The following RARB variants were observed in gnomAD, a reference collection of about 807,000 sequenced individuals.
RARB encodes retinoic acid receptor beta.
Under a neutral mutation model 51.9 loss-of-function variants are expected in RARB, and 17 were observed. That is an observed-to-expected ratio of 0.33 (90% CI 0.22 to 0.49). RARB has a LOEUF of 0.49. Among genes scored for constraint, RARB ranks in the 20% least tolerant of loss-of-function variants. RARB has a pLI of 0.99. For synonymous variants in RARB, 215 were observed against 195.4 expected, an observed-to-expected ratio of 1.10 and a Z score of -0.84; for missense variants, 369 against 550.8, an observed-to-expected ratio of 0.67 and a Z score of 3.30.
intron 4 of RARB, among the ~76,000 whole-genome samples, chr3:25,571,756 T>C (rs1485343715): frequency 6.6e-6 from 1 of 152,102 alleles, no homozygotes; most frequent in East Asian, 1.9e-4. Flanking sequence ...AGTTTTCCCA[T>C]CTCTAAATGG....
At chr3:25,137,512 A>G (rs191988577) in intron 4 of RARB, among the ~76,000 whole-genome samples, 1 of 152,248 alleles carries the variant, frequency 6.6e-6, no homozygotes, top group South Asian at 2.1e-4. Flanking sequence ...GTTTGGTCAG[A>G]TATAGAAAAA....
chr3:25,015,888 GTCATA>G (rs1306966784), intron 2 of RARB, among the ~76,000 whole-genome samples: 3 of 152,274 alleles, frequency 2.0e-5, no homozygotes, highest in African/African-American at 7.2e-5. Flanking sequence ...AATAAATCAA[GTCATA>G]TCATGTTGAC....
intron 3 of RARB, among the ~76,000 whole-genome samples, chr3:25,105,303 G>A (rs1575162517): frequency 2.0e-5 from 3 of 151,382 alleles, no homozygotes; most frequent in South Asian, 4.2e-4. Flanking sequence ...GAGACCTACT[G>A]TAAAAAGGGC....
intron 2 of RARB, among the ~76,000 whole-genome samples, chr3:24,913,124 G>A (rs1473226813): frequency 6.6e-6 from 1 of 151,408 alleles, no homozygotes; most frequent in Non-Finnish European, 1.5e-5. Flanking sequence ...AGGACTACAG[G>A]CACCCGCCAC....
chr3:25,326,245 C>A (rs1427577436), intron 5 of RARB, among the ~76,000 whole-genome samples: 2 of 152,104 alleles, frequency 1.3e-5, no homozygotes, highest in East Asian at 3.9e-4. Flanking sequence ...CTGCTAAAGT[C>A]AAAAGTGGGA....
At chr3:25,291,682 C>T (rs185680690) in intron 5 of RARB, among the ~76,000 whole-genome samples, 1 of 152,112 alleles carries the variant, frequency 6.6e-6, no homozygotes, top group East Asian at 1.9e-4. Context: ...GCACAACATG[C>T]TTCTTTAGAA....
chr3:25,204,206 C>A (rs1041583654), intron 5 of RARB, among the ~76,000 whole-genome samples: 2 of 152,172 alleles, frequency 1.3e-5, no homozygotes, highest in African/African-American at 2.4e-5. Flanking sequence ...ACCCTTTCTT[C>A]CAGTTGATCG....
At chr3:25,158,888 A>G (rs1700423837) in intron 4 of RARB, among the ~76,000 whole-genome samples, 1 of 152,082 alleles carries the variant, frequency 6.6e-6, no homozygotes, top group Admixed American at 6.5e-5. Context: ...CTCTGCATTC[A>G]GTCAGCAATA....
At chr3:25,219,498 T>TA (rs1701900601) in intron 5 of RARB, among the ~76,000 whole-genome samples, 1 of 152,164 alleles carries the variant, frequency 6.6e-6, no homozygotes, top group African/African-American at 2.4e-5. Flanking sequence ...ATTTGCTTTA[T>TA]AAAACCTAAT....
chr3:24,885,415 A>G (rs762857371), intron 2 of RARB, among the ~76,000 whole-genome samples: 8 of 152,190 alleles, frequency 5.3e-5, no homozygotes, highest in Non-Finnish European at 1.0e-4. Context: ...GAACAAAATG[A>G]GTTTTAATGT....
chr3:25,534,420 A>T (rs1340063872), intron 3 of RARB, among the ~76,000 whole-genome samples: 1 of 152,160 alleles, frequency 6.6e-6, no homozygotes, highest in Non-Finnish European at 1.5e-5. Context: ...TCTGAGAAGT[A>T]CTCAGGGTTT....
chr3:24,957,850 TCA>T (rs1178390172), intron 2 of RARB, among the ~76,000 whole-genome samples: 2 of 152,168 alleles, frequency 1.3e-5, no homozygotes, highest in Non-Finnish European at 2.9e-5. Context: ...TCCAGTATAA[TCA>T]CAGCAGTTCT....
intron 5 of RARB, among the ~76,000 whole-genome samples, chr3:25,407,501 A>C (rs1449207651): frequency 1.3e-5 from 2 of 152,164 alleles, no homozygotes; most frequent in South Asian, 4.1e-4. Context: ...CCCTGATTCT[A>C]CTTTGGATAT....
At chr3:25,507,464 G>GC (rs1427881695) in intron 3 of RARB, among the ~76,000 whole-genome samples, 15 of 152,304 alleles carry the variant, frequency 9.8e-5, no homozygotes, top group African/African-American at 3.6e-4. Context: ...TTGACTAACA[G>GC]CCCAGGCGTG....
intron 5 of RARB, among the ~76,000 whole-genome samples, chr3:25,351,786 C>G (rs1157925418): frequency 6.6e-6 from 1 of 152,182 alleles, no homozygotes; most frequent in Non-Finnish European, 1.5e-5. Flanking sequence ...TGAAGTATGG[C>G]TACTCTACTC....
chr3:24,887,494 A>G (rs1009519814), intron 2 of RARB, among the ~76,000 whole-genome samples: 2 of 152,180 alleles, frequency 1.3e-5, no homozygotes, highest in African/African-American at 4.8e-5. Context: ...GATCTATTTT[A>G]TGATAGAATG....
chr3:25,555,340 A>G (rs533941311), intron 3 of RARB, among the ~76,000 whole-genome samples: 1 of 152,286 alleles, frequency 6.6e-6, no homozygotes, highest in East Asian at 1.9e-4. Context: ...TCCCCTGTCG[A>G]TCTTTCTCTC....
intron 5 of RARB, among the ~76,000 whole-genome samples, chr3:25,402,339 T>A (rs1575374757): frequency 6.6e-6 from 1 of 152,140 alleles, no homozygotes; most frequent in Admixed American, 6.5e-5. Context: ...AGGGAACCCT[T>A]GTACACTGTT....
intron 2 of RARB, among the ~76,000 whole-genome samples, chr3:24,975,471 T>C (rs1008863445): frequency 6.6e-6 from 1 of 152,102 alleles, no homozygotes; most frequent in African/African-American, 2.4e-5. Context: ...TTGTTTTAAT[T>C]CAATGATTTA....
Sources: gnomAD v4.1 joint callset for allele counts (sites outside exome capture counted in the v4.1 genomes callset) on GRCh38, gnomAD v4.1.1 for gene constraint, MANE v1.5 for transcripts, NCBI Gene and HGNC (gene_info 2026-07-23, HGNC 2026-07-21) for gene names.